Variants in ESRRG observed in about 807,000 individuals in gnomAD.
The protein encoded by ESRRG is estrogen-related receptor gamma.
Under a neutral mutation model 44.0 loss-of-function variants are expected in ESRRG, and 13 were observed. The observed-to-expected ratio is 0.30, with a 90% CI of 0.19 to 0.47. The LOEUF is 0.47. ESRRG is among the 20% of genes least tolerant of loss of function. The pLI is 1.00. For synonymous variants in ESRRG, 215 were observed against 214.6 expected (o/e 1.00, Z -0.02); for missense variants, 395 against 580.6 (o/e 0.68, Z 3.29).
chr1:217,073,849 A>C (rs1427424629), intron 1 of ESRRG, among the ~76,000 whole-genome samples: 1 of 152,138 alleles, frequency 6.6e-6, no homozygotes, highest in Non-Finnish European at 1.5e-5. Flanking sequence ...CGAGAGAAGA[A>C]TGAAAGAATG....
chr1:216,677,283 G>C lies in ESRRG; in HGVS notation c.265C>G (p.Pro89Ala). The change falls in exon 2 of 7, where the codon CCT (proline) becomes GCT (alanine). Residue 89 changes from proline to alanine, a missense_variant. By Grantham distance (27) the Pro-to-Ala change is conservative. Around this residue, in one of 5 missense-constraint regions of ESRRG, gnomAD observed 148 missense variants for 150.4 expected, o/e 0.98. Coordinates refer to ENST00000408911, the MANE Select transcript of ESRRG (RefSeq NM_001438.4). ...LDSPPLYPSA[P>A]ILGGSGPVRK... ...ACAGGCCCACTACCTCCCAGGATAG[G>C]AGCAGAAGGGTAGAGAGGTGGCGAG... 6.2e-7 allele frequency: 1 copy of C among 1,614,122 alleles called. No homozygotes were observed. Among genetic ancestry groups the C allele is most frequent in the African/African-American group, 1.3e-5 (1 of 75,034 alleles).
intron 2 of ESRRG, among the ~76,000 whole-genome samples, chr1:216,777,975 A>C (rs1303872876): frequency 6.6e-6 from 1 of 152,086 alleles, no homozygotes; most frequent in Non-Finnish European, 1.5e-5. Flanking sequence ...CCTGGTACCT[A>C]TCACTGCTAA....
At chr1:217,051,824 A>G (rs1326853902) in intron 1 of ESRRG, among the ~76,000 whole-genome samples, 2 of 152,156 alleles carry the variant, frequency 1.3e-5, no homozygotes. Context: ...GTGCAGTAGC[A>G]CAATCATAGC....
chr1:216,865,610 A>G (rs2096141779), intron 2 of ESRRG, among the ~76,000 whole-genome samples: 1 of 152,208 alleles, frequency 6.6e-6, no homozygotes, highest in Admixed American at 6.5e-5. Flanking sequence ...AAAAGCAAAC[A>G]TGGAACACTT....
chr1:216,795,295 C>T (rs2094441401), intron 2 of ESRRG, among the ~76,000 whole-genome samples: 1 of 149,130 alleles, frequency 6.7e-6, no homozygotes. Context: ...ATGAAAAATA[C>T]ATTAAATTTT....
intron 2 of ESRRG, among the ~76,000 whole-genome samples, chr1:216,821,743 AAATTT>A (rs940717437): frequency 2.0e-5 from 3 of 146,830 alleles, no homozygotes; most frequent in East Asian, 2.0e-4. Flanking sequence ...TAAATAAATA[AAATTT>A]AATTTAAAAA....
intron 3 of ESRRG, among the ~76,000 whole-genome samples, chr1:216,574,785 A>T (rs1412458018): frequency 6.6e-6 from 1 of 152,134 alleles, no homozygotes; most frequent in Non-Finnish European, 1.5e-5. Context: ...TCAAACATAG[A>T]TTGCAATTGA....
chr1:216,569,008 T>C (rs1166939313), intron 3 of ESRRG, among the ~76,000 whole-genome samples: 1 of 150,632 alleles, frequency 6.6e-6, no homozygotes, highest in Admixed American at 6.6e-5. Flanking sequence ...GAACTGAGAC[T>C]ATGCCATTGC....
intron 2 of ESRRG, among the ~76,000 whole-genome samples, chr1:216,910,773 C>T (rs1198581415): frequency 1.3e-5 from 2 of 152,050 alleles, no homozygotes; most frequent in Non-Finnish European, 2.9e-5. Flanking sequence ...GTGAAGCACT[C>T]CTTAATAGGA....
At chr1:217,008,410 C>T (rs912600364) in intron 1 of ESRRG, among the ~76,000 whole-genome samples, 4 of 152,196 alleles carry the variant, frequency 2.6e-5, no homozygotes, top group Admixed American at 1.3e-4. Flanking sequence ...AAACCCTGGA[C>T]TCCAGTGACT....
intron 2 of ESRRG, among the ~76,000 whole-genome samples, chr1:216,854,095 A>G (rs1436334609): frequency 1.3e-5 from 2 of 152,110 alleles, no homozygotes; most frequent in Admixed American, 1.3e-4. Context: ...GCGGTGGCTC[A>G]TGCCTGTAAT....
intron 5 of ESRRG, among the ~76,000 whole-genome samples, chr1:216,560,534 A>G (rs2058518756): frequency 6.6e-6 from 1 of 152,200 alleles, no homozygotes; most frequent in African/African-American, 2.4e-5. Flanking sequence ...CCATCTGACT[A>G]AGCACATTCT....
intron 1 of ESRRG, among the ~76,000 whole-genome samples, chr1:217,075,592 C>G (rs1195816116): frequency 6.8e-6 from 1 of 147,506 alleles, no homozygotes; most frequent in Admixed American, 6.8e-5. Context: ...GCTCCTTTCC[C>G]CCCCCCAACA....
intron 6 of ESRRG, among the ~76,000 whole-genome samples, chr1:216,510,927 A>AAAT (rs973130157): frequency 1.6e-4 from 24 of 152,266 alleles, no homozygotes; most frequent in African/African-American, 5.8e-4. Flanking sequence ...AGCTACTCCA[A>AAAT]AATACCTAAG....
intron 1 of ESRRG, among the ~76,000 whole-genome samples, chr1:217,112,224 T>A (rs2092669301): frequency 6.6e-6 from 1 of 152,096 alleles, no homozygotes; most frequent in South Asian, 2.1e-4. Flanking sequence ...AGCCACAAAG[T>A]TTTGGGGTGA....
intron 1 of ESRRG, among the ~76,000 whole-genome samples, chr1:216,679,472 CATACATTATGATCTT>C (rs764067119): frequency 2.8e-4 from 42 of 152,130 alleles, no homozygotes; most frequent in Non-Finnish European, 5.3e-4. Context: ...ACTGTGGGCA[CATACATTATGATCTT>C]AGACTAGAGT....
chr1:216,970,627 G>T (rs1170627936), intron 1 of ESRRG, among the ~76,000 whole-genome samples: 2 of 152,024 alleles, frequency 1.3e-5, no homozygotes, highest in African/African-American at 4.8e-5. Flanking sequence ...ACCTAATCAT[G>T]GTTTATCTGC....
At chr1:216,825,162 C>T (rs2095369016) in intron 2 of ESRRG, among the ~76,000 whole-genome samples, 1 of 152,156 alleles carries the variant, frequency 6.6e-6, no homozygotes, top group Admixed American at 6.5e-5. Flanking sequence ...GCAGGAAATG[C>T]AGGCATCATT....
At chr1:216,830,354 C>T (rs2095468794) in intron 2 of ESRRG, among the ~76,000 whole-genome samples, 1 of 152,160 alleles carries the variant, frequency 6.6e-6, no homozygotes, top group South Asian at 2.1e-4. Context: ...CTGGGGGGTG[C>T]TCAGAAACAG....
Sources: allele counts gnomAD v4.1 joint callset (sites outside exome capture counted in the v4.1 genomes callset), GRCh38; gene constraint gnomAD v4.1.1; regional missense constraint gnomAD v4.1.1; transcripts MANE v1.5; gene names NCBI Gene and HGNC (gene_info 2026-07-23, HGNC 2026-07-21).